The following PCED1B variants were observed in gnomAD, a reference collection of about 807,000 sequenced individuals.
PCED1B encodes PC-esterase domain containing 1B, also known as PC-esterase domain-containing protein 1B.
For synonymous variants in PCED1B, 251 were observed against 246.1 expected, an observed-to-expected ratio of 1.02 and a Z score of -0.19; for missense variants, 573 against 573.9, an observed-to-expected ratio of 1.00 and a Z score of 0.02.
chr12:47,235,748 G>T lies in PCED1B; in HGVS notation c.685G>T (p.Gly229Trp). ...RHARENLHWD[G>W]VHWNGRVHRC... ...CGCGAGGGAGAACCTGCACTGGGAC[G>T]GGGTGCACTGGAATGGACGTGTGCA... Residue 229 changes from glycine to tryptophan, a missense_variant, in exon 4 of 4, where the codon GGG becomes TGG. Coordinates refer to ENST00000546455, the MANE Select transcript of PCED1B (RefSeq NM_138371.3). 6.2e-7 allele frequency: 1 copy of T among 1,602,244 alleles called. No homozygotes were observed. Among genetic ancestry groups the T allele is most frequent in the Non-Finnish European group, 8.5e-7 (1 of 1,174,682 alleles).
chr12:47,125,943 TAAACTC>T (rs1049030499), intron 2 of PCED1B, among the ~76,000 whole-genome samples: 162 of 152,196 alleles, frequency 1.1e-3, no homozygotes, highest in African/African-American at 3.8e-3. Flanking sequence ...TATCTAGAAA[TAAACTC>T]AATTTTATTT....
At chr12:47,142,698 A>G (rs1180278027) in intron 2 of PCED1B, among the ~76,000 whole-genome samples, 1 of 152,192 alleles carries the variant, frequency 6.6e-6, no homozygotes, top group African/African-American at 2.4e-5. Context: ...GAGAGCTTCA[A>G]CAACAGACTT....
intron 3 of PCED1B, among the ~76,000 whole-genome samples, chr12:47,231,410 A>G (rs1463248882): frequency 1.3e-5 from 2 of 151,876 alleles, no homozygotes; most frequent in Non-Finnish European, 2.9e-5. Flanking sequence ...AGAGGGTGCT[A>G]AAGCTAGTGG....
chr12:47,085,137 C>T (rs1034621684), intron 1 of PCED1B, among the ~76,000 whole-genome samples: 2 of 152,188 alleles, frequency 1.3e-5, no homozygotes, highest in African/African-American at 4.8e-5. Context: ...GAGCAAGACT[C>T]CGTCTCAAAA....
intron 2 of PCED1B, among the ~76,000 whole-genome samples, chr12:47,111,590 T>A (rs1939198484): frequency 6.6e-6 from 1 of 152,094 alleles, no homozygotes; most frequent in Admixed American, 6.5e-5. Context: ...ACCTCCTAAT[T>A]CTTCCCTACC....
intron 2 of PCED1B, among the ~76,000 whole-genome samples, chr12:47,189,916 TC>T (rs766352945): frequency 6.6e-6 from 1 of 152,132 alleles, no homozygotes; most frequent in Non-Finnish European, 1.5e-5. Context: ...AGGCTTGGGA[TC>T]CACAGAAGAG....
At chr12:47,231,066 A>G (rs1943790789) in intron 3 of PCED1B, among the ~76,000 whole-genome samples, 1 of 152,242 alleles carries the variant, frequency 6.6e-6, no homozygotes, top group Non-Finnish European at 1.5e-5. Context: ...AAACCCAGGT[A>G]GTATGATTCC....
Position 47,220,960 on chromosome 12 carries a change from C to T in PCED1B, c.-58+4271C>T, listed in dbSNP as rs138571817. On this transcript the variant is annotated intron_variant, in intron 3 of 3. Transcript: ENST00000546455. Reference sequence around the variant, plus strand: ...CTTATACAAACCCTATGGTTCCCTGCGGGCTTTCAGAAGATCCCAAGAAGA... The same window carrying T: ...CTTATACAAACCCTATGGTTCCCTGTGGGCTTTCAGAAGATCCCAAGAAGA... Among the ~76,000 whole-genome samples the T allele has an allele frequency of 2.2e-3, 339 of 152,178 alleles. 3 individuals carry two copies. The highest frequency in any genetic ancestry group is 3.4e-3 in the Middle Eastern group (1 of 294).
chr12:47,159,820 C>A (rs776749566), intron 2 of PCED1B, among the ~76,000 whole-genome samples: 1 of 151,660 alleles, frequency 6.6e-6, no homozygotes, highest in Non-Finnish European at 1.5e-5. Context: ...TCAAAACCAA[C>A]GTCCTAAAAT....
At chr12:47,130,403 G>A (rs1375429595) in intron 2 of PCED1B, among the ~76,000 whole-genome samples, 1 of 152,160 alleles carries the variant, frequency 6.6e-6, no homozygotes, top group African/African-American at 2.4e-5. Flanking sequence ...GAGGCTAAAT[G>A]TGGTGGCTCA....
chr12:47,154,793 G>A (rs1941137249), intron 2 of PCED1B, among the ~76,000 whole-genome samples: 1 of 151,574 alleles, frequency 6.6e-6, no homozygotes, highest in African/African-American at 2.4e-5. Context: ...GTGTGTGTGT[G>A]TGTGTGTGTG....
chr12:47,128,408 T>C (rs1939985784), intron 2 of PCED1B, among the ~76,000 whole-genome samples: 1 of 152,180 alleles, frequency 6.6e-6, no homozygotes, highest in Non-Finnish European at 1.5e-5. Context: ...TGGGCCGCCT[T>C]ACTCTTCCCT....
intron 1 of PCED1B, among the ~76,000 whole-genome samples, chr12:47,092,117 G>GC (rs1938292083): frequency 6.6e-6 from 1 of 152,048 alleles, no homozygotes; most frequent in Non-Finnish European, 1.5e-5. Context: ...ATAGATGAAT[G>GC]TATTAATTTG....
At chr12:47,152,762 C>A (rs1421294459) in intron 2 of PCED1B, among the ~76,000 whole-genome samples, 1 of 151,952 alleles carries the variant, frequency 6.6e-6, no homozygotes, top group Non-Finnish European at 1.5e-5. Context: ...AAAACCCTGT[C>A]TCTACTAAAA....
chr12:47,110,225 G>A (rs1461620159), intron 2 of PCED1B, among the ~76,000 whole-genome samples: 2 of 152,184 alleles, frequency 1.3e-5, no homozygotes, highest in Non-Finnish European at 2.9e-5. Flanking sequence ...AATTAGTCCT[G>A]TAAATCACTA....
intron 2 of PCED1B, among the ~76,000 whole-genome samples, chr12:47,154,766 G>GGTGTGT (rs1307798541): frequency 7.9e-6 from 1 of 126,358 alleles, no homozygotes; most frequent in African/African-American, 3.4e-5. Flanking sequence ...AGGACAGAGG[G>GGTGTGT]GTGTGTGTGT....
rs762890516 is a variant in PCED1B, at chr12:47,123,195, G to T, written c.-526+19000G>T. The stretch of plus-strand genomic sequence containing the variant: ...GATAGCAGTCACATTGAAGAGATCC[G>T]CATTCAGTTACAGCTAGTGGTCAAA... On this transcript the variant is annotated intron_variant, in intron 2 of 3. Coordinates refer to ENST00000546455, the MANE Select transcript of PCED1B (RefSeq NM_138371.3). Among the ~76,000 whole-genome samples, 5 of 152,106 alleles carry T rather than the reference G, an allele frequency of 3.3e-5. No homozygotes were observed. The South Asian group carries it at 6.2e-4, about 19-fold the overall frequency.
rs11183773 is a variant in PCED1B, at chr12:47,174,056, C to G, written c.-525-42166C>G. On this transcript the variant is annotated intron_variant, in intron 2 of 3. Transcript: ENST00000546455. ...GCACTTTGGAAAGCCGAGGCAGGCC[C>G]ATCACTTGAGCCCAGGAATTTGAGA... Among the ~76,000 whole-genome samples the G allele has an allele frequency of 3.1e-3, 474 of 151,590 alleles. 2 individuals carry two copies. Among genetic ancestry groups the G allele is most frequent in the Admixed American group, 5.6e-3 (86 of 15,264 alleles).
At chr12:47,086,314 A>G (rs1937978815) in intron 1 of PCED1B, among the ~76,000 whole-genome samples, 1 of 151,024 alleles carries the variant, frequency 6.6e-6, no homozygotes, top group Non-Finnish European at 1.5e-5. Flanking sequence ...ATAACAACTA[A>G]AAAGATTTTT....
Sources: allele counts gnomAD v4.1 joint callset (sites outside exome capture counted in the v4.1 genomes callset), GRCh38; gene constraint gnomAD v4.1.1; transcripts MANE v1.5; gene names NCBI Gene and HGNC (gene_info 2026-07-23, HGNC 2026-07-21).